WDHD1: variants seen among roughly 807,000 people sequenced by gnomAD.
WDHD1 encodes WD repeat and HMG-box DNA-binding protein 1.
WDHD1 carries 111 observed loss-of-function variants against 135.4 expected under a neutral mutation model. That is an observed-to-expected ratio of 0.82 (90% CI 0.70 to 0.96). WDHD1 has a LOEUF of 0.96. Ranked by LOEUF, WDHD1 falls within the 40% of genes least tolerant of loss-of-function variation. The probability of loss-of-function intolerance (pLI) is 0.00; values close to 1 mark genes in which losing one functional copy is unlikely to be tolerated. For missense variants in WDHD1, 1,351 were observed against 1,336.3 expected (o/e 1.01, Z -0.17); for synonymous variants, 434 against 439.0 (o/e 0.99, Z 0.14).
intron 22 of WDHD1, 78 bp downstream of exon 22, chr14:54,957,514 G>C: frequency 7.8e-7 from 1 of 1,275,564 alleles, no homozygotes. Flanking sequence ...TCTGGGGAGA[G>C]TCATCTCATC....
chr14:54,974,399 C>A (rs2041488515), intron 16 of WDHD1, among the ~76,000 whole-genome samples: 1 of 150,542 alleles, frequency 6.6e-6, no homozygotes, highest in Non-Finnish European at 1.5e-5. Context: ...CGCCACTGCA[C>A]TCCAGTCTGG....
In WDHD1 at chr14:54,953,756, A is replaced by G. The variant is rs139106534; in HGVS notation, c.3050+1805T>C. On this transcript the variant is annotated intron_variant, in intron 24 of 25. Coordinates refer to ENST00000360586, the MANE Select transcript of WDHD1 (RefSeq NM_007086.4). ...ATCAATGATAGACTAGATTAAGAAAATGTGGCACATATACACCATGGAATA... is the reference window on the plus strand; with the variant it reads ...ATCAATGATAGACTAGATTAAGAAAGTGTGGCACATATACACCATGGAATA... Among the ~76,000 whole-genome samples, 650 of 152,348 alleles carry G rather than the reference A, an allele frequency of 4.3e-3. 6 individuals carry two copies. The highest frequency in any genetic ancestry group is 0.015 in the African/African-American group (622 of 41,586).
intron 16 of WDHD1, among the ~76,000 whole-genome samples, chr14:54,980,765 CTG>C (rs1210912553): frequency 2.8e-5 from 4 of 141,566 alleles, no homozygotes; most frequent in South Asian, 2.2e-4. Context: ...GATCACGCCA[CTG>C]TACTCCAGCC....
At chr14:55,001,969 G>T in intron 8 of WDHD1, 124 bp downstream of exon 8, 1 of 678,676 alleles carries the variant, frequency 1.5e-6, no homozygotes, top group East Asian at 2.7e-5. Flanking sequence ...TTAGAAGATG[G>T]ACCACATACA....
chr14:54,951,614 A>T (rs2041054852), intron 24 of WDHD1, among the ~76,000 whole-genome samples: 1 of 152,206 alleles, frequency 6.6e-6, no homozygotes, highest in Non-Finnish European at 1.5e-5. Context: ...TATTCCAATC[A>T]ATAGAAAAAG....
chr14:55,013,975 C>T (rs1162453203), intron 2 of WDHD1, among the ~76,000 whole-genome samples: 1 of 152,102 alleles, frequency 6.6e-6, no homozygotes, highest in Non-Finnish European at 1.5e-5. Flanking sequence ...ATATTTACCA[C>T]TTTTTCACAA....
At chr14:55,021,167 CCTT>C (rs2042341099) in intron 2 of WDHD1, among the ~76,000 whole-genome samples, 1 of 152,298 alleles carries the variant, frequency 6.6e-6, no homozygotes, top group African/African-American at 2.4e-5. Context: ...CAGTACCAAT[CCTT>C]CTTCCACCAT....
At chr14:54,990,797 TC>T (rs2041773391) in intron 12 of WDHD1, among the ~76,000 whole-genome samples, 2 of 152,016 alleles carry the variant, frequency 1.3e-5, no homozygotes, top group Non-Finnish European at 2.9e-5. Flanking sequence ...GTCAGACTTT[TC>T]CCCCCATAGT....
At position 54,938,998 on chromosome 14, in the gene WDHD1, G is replaced by A. The variant is rs954414078; in HGVS notation, c.*2492C>T. On this transcript the variant is annotated 3_prime_UTR_variant, in exon 26 of 26. Coordinates refer to ENST00000360586, the MANE Select transcript of WDHD1 (RefSeq NM_007086.4). The stretch of plus-strand genomic sequence containing the variant: ...TTAGGGTACATGCTGGGAACTGAGG[G>A]ATGAAGTATATGCATATTCCAAATG... 4 of 152,036 alleles carry A rather than the reference G, an allele frequency of 2.6e-5. No homozygotes were observed. Among genetic ancestry groups the A allele is most frequent in the African/African-American group, 4.8e-5 (2 of 41,368 alleles). The allele number at this position is 152,036 out of a possible 1,614,324, so 9.4% of individuals were successfully genotyped here.
rs2040824691 is a variant in WDHD1 at position 54,940,694 on chromosome 14, TA to T, written c.*795del. 6.6e-6 allele frequency: 1 copy of T among 152,198 alleles called. No homozygotes were observed. Among genetic ancestry groups the T allele is most frequent in the East Asian group, 1.9e-4 (1 of 5,204 alleles). 9.4% of individuals were successfully genotyped at this position (152,198 alleles called of 1,614,324 possible). A position where few individuals can be genotyped will look rare whatever the true frequency, so the allele number is the denominator to read the frequency against. Reference sequence around the variant, plus strand: ...CTCAGTAAAGTACTGTTGATGCTGATAATCAGAGTATCCCACCAAGAGCACA... The same window carrying T: ...CTCAGTAAAGTACTGTTGATGCTGATATCAGAGTATCCCACCAAGAGCACA... On this transcript the variant is annotated 3_prime_UTR_variant, in exon 26 of 26. Transcript: ENST00000360586.
At chr14:54,957,726 T>C in intron 21 of WDHD1, 91 bp from the exon 22 acceptor site, 3 of 1,083,842 alleles carry the variant, frequency 2.8e-6, no homozygotes, top group Non-Finnish European at 4.0e-6. Flanking sequence ...TTAATCCCCA[T>C]TAAATGAAAA....
chr14:55,020,769 T>C (rs919789475), intron 2 of WDHD1, among the ~76,000 whole-genome samples: 2 of 152,184 alleles, frequency 1.3e-5, no homozygotes, highest in Non-Finnish European at 2.9e-5. Context: ...CCTAAAACTT[T>C]ACTAACAGCC....
At position 54,944,433 on chromosome 14, in the gene WDHD1, T is replaced by C. The variant is rs577142860; in HGVS notation, c.3088A>G (p.Arg1030Gly). 33 of 1,606,330 alleles carry C rather than the reference T, an allele frequency of 2.1e-5. No homozygotes were observed. The South Asian group carries it at 3.5e-4, about 17-fold the overall frequency. The change falls in exon 25 of 26, where the codon AGA becomes GGA. Residue 1030 changes from arginine (R) to glycine (G), a missense_variant. Arg to Gly is a moderately radical substitution (Grantham distance 125). Around this residue, in one of 2 missense-constraint regions of WDHD1, gnomAD observed 1,330 missense variants for 1,296.1 expected, o/e 1.03. Transcript: ENST00000360586. ...TGFQMWLEEN[R>G]SNILSDNPDF... is the part of the protein sequence containing the mutation. ...GGATTGTCAGACAAAATATTACTTC[T>C]ATTTTCTTCTAACCACATCTGGAAC...
chr14:55,012,108 C>G (rs1045753829), intron 3 of WDHD1, among the ~76,000 whole-genome samples: 8 of 152,006 alleles, frequency 5.3e-5, no homozygotes, highest in Non-Finnish European at 1.0e-4. Flanking sequence ...CCTTGCCAAT[C>G]TTATGGGGAA....
At chr14:54,962,349 AAAC>A in intron 21 of WDHD1, 146 bp downstream of exon 21, 1 of 685,316 alleles carries the variant, frequency 1.5e-6, no homozygotes, top group Non-Finnish European at 2.6e-6. Flanking sequence ...ATAGCTTCAC[AAAC>A]AACATCTGAG....
chr14:55,025,061 C>A (rs1176083293), intron 2 of WDHD1, among the ~76,000 whole-genome samples: 2 of 85,130 alleles, frequency 2.3e-5, no homozygotes, highest in African/African-American at 7.8e-5. Flanking sequence ...AATGGAATGT[C>A]TCGGTATAAA....
chr14:55,000,936 A>G lies in WDHD1; in HGVS notation c.750T>C (p.Ile250=). ...CATTCCAAACTATGATTAGACCATT[A>G]ATACTACCTGCAGCTAAATATTGCC... ...PCGQYLAAGS[I]NGLIIVWNVE... Residue 250 remains isoleucine (I), a synonymous_variant, in exon 9 of 26, where the codon ATT becomes ATC. Transcript: ENST00000360586. 1.3e-6 allele frequency: 2 copies of G among 1,596,012 alleles called. No individual in the cohort carries two copies. Among genetic ancestry groups the G allele is most frequent in the Non-Finnish European group, 1.7e-6 (2 of 1,172,226 alleles).
At chr14:54,980,802 TAAA>T (rs375441329) in intron 16 of WDHD1, among the ~76,000 whole-genome samples, 7 of 83,594 alleles carry the variant, frequency 8.4e-5, no homozygotes, top group South Asian at 3.9e-4. Flanking sequence ...AGACTCCACA[TAAA>T]AAAAAAAAAA....
chr14:54,945,785 C>T (rs1440610104), intron 24 of WDHD1, among the ~76,000 whole-genome samples: 1 of 152,144 alleles, frequency 6.6e-6, no homozygotes, highest in Non-Finnish European at 1.5e-5. Flanking sequence ...ATGATCCACT[C>T]GCCTCGGCCT....
Sources: gnomAD v4.1 joint callset for allele counts (sites outside exome capture counted in the v4.1 genomes callset) on GRCh38, gnomAD v4.1.1 for gene constraint, gnomAD v4.1.1 regional missense constraint, MANE v1.5 for transcripts, NCBI Gene and HGNC (gene_info 2026-07-23, HGNC 2026-07-21) for gene names.